The following NEO1 variants were observed in gnomAD, a reference collection of about 807,000 sequenced individuals.
NEO1 encodes the protein neogenin 1, also known as neogenin.
In NEO1, 63 loss-of-function variants were observed where a neutral mutation model predicts 159.7. The observed-to-expected ratio is 0.39, with a 90% CI of 0.32 to 0.49. The LOEUF is 0.49. NEO1 is among the 20% of genes least tolerant of loss of function. The pLI is 0.85. For missense variants in NEO1, 1,615 were observed against 1,831.0 expected, an observed-to-expected ratio of 0.88 and a Z score of 2.15; for synonymous variants, 633 against 662.0, an observed-to-expected ratio of 0.96 and a Z score of 0.67.
intron 5 of NEO1, among the ~76,000 whole-genome samples, chr15:73,137,490 G>A (rs1043003774): frequency 3.3e-5 from 5 of 151,928 alleles, no homozygotes; most frequent in African/African-American, 1.2e-4. Context: ...GCCCAGCCTG[G>A]AGTGCAGTGG....
intron 8 of NEO1, among the ~76,000 whole-genome samples, chr15:73,236,905 A>G (rs1323533037): frequency 1.3e-5 from 2 of 152,166 alleles, no homozygotes; most frequent in East Asian, 1.9e-4. Flanking sequence ...TTGATGGAAT[A>G]AGAGTAGTTA....
At chr15:73,272,006 C>G (rs2041195664) in intron 18 of NEO1, among the ~76,000 whole-genome samples, 1 of 151,920 alleles carries the variant, frequency 6.6e-6, no homozygotes, top group South Asian at 2.1e-4. Flanking sequence ...ACAAAATAAT[C>G]CAGTGTGACA....
At chr15:73,141,133 A>G (rs2032348890) in intron 5 of NEO1, among the ~76,000 whole-genome samples, 1 of 152,166 alleles carries the variant, frequency 6.6e-6, no homozygotes, top group Non-Finnish European at 1.5e-5. Flanking sequence ...ATATTTGGAA[A>G]ATTTTGTTTT....
rs114196474 is a variant in NEO1, at chr15:73,223,058, C to T, written c.1292-13289C>T. ...AACCAAAGCAGGTTTTGAACCTGCTCTTTCAGGAGCAGGTTATTTAATTTC... is the reference window on the plus strand; with the variant it reads ...AACCAAAGCAGGTTTTGAACCTGCTTTTTCAGGAGCAGGTTATTTAATTTC... On this transcript the variant is annotated intron_variant, in intron 7 of 28. Transcript: ENST00000261908. Among the ~76,000 whole-genome samples the T allele has an allele frequency of 8.6e-3, 1,307 of 152,284 alleles. 21 individuals are homozygous for T. The highest frequency in any genetic ancestry group is 0.03 in the African/African-American group (1,235 of 41,548).
At chr15:73,224,304 G>C (rs1397477479) in intron 7 of NEO1, among the ~76,000 whole-genome samples, 1 of 152,128 alleles carries the variant, frequency 6.6e-6, no homozygotes. Flanking sequence ...TGATCTTTTT[G>C]CAATGAATTT....
intron 5 of NEO1, among the ~76,000 whole-genome samples, chr15:73,141,909 G>T (rs535850148): frequency 2.0e-5 from 3 of 152,216 alleles, no homozygotes; most frequent in Admixed American, 2.0e-4. Context: ...CTTCATAGTT[G>T]GCTTTTTCAG....
rs546319816 is a variant in NEO1 at position 73,178,896 on chromosome 15, A to G, written c.1291+469A>G. The stretch of plus-strand genomic sequence containing the variant: ...TGTTGGCACAAAATAGTCAACATTC[A>G]TAAAACCCTGACTACTATATATCAA... On this transcript the variant is annotated intron_variant, in intron 7 of 28. Transcript: ENST00000261908. Among the ~76,000 whole-genome samples, 17 of 152,324 alleles carry G rather than the reference A, an allele frequency of 1.1e-4. No homozygotes were observed. In the South Asian group the frequency reaches 2.9e-3, roughly 26 times the overall value.
chr15:73,119,514 A>T (rs780399889), intron 2 of NEO1, among the ~76,000 whole-genome samples: 1 of 152,144 alleles, frequency 6.6e-6, no homozygotes, highest in Non-Finnish European at 1.5e-5. Context: ...GGCTGTGAGT[A>T]TTTTGTGCCC....
At chr15:73,228,518 T>A (rs536663128) in intron 7 of NEO1, among the ~76,000 whole-genome samples, 1 of 151,836 alleles carries the variant, frequency 6.6e-6, no homozygotes, top group Non-Finnish European at 1.5e-5. Flanking sequence ...TGCCAGTCTG[T>A]TGCTTTTCAT....
chr15:73,158,208 C>CTTTTTTTTTTTTTTTTTT (rs1047852394), intron 5 of NEO1, among the ~76,000 whole-genome samples: 2 of 82,544 alleles, frequency 2.4e-5, no homozygotes, highest in Non-Finnish European at 4.4e-5. Context: ...GAGTGAGACT[C>CTTTTTTTTTTTTTTTTTT]TTTTTTTTTT....
intron 1 of NEO1, among the ~76,000 whole-genome samples, chr15:73,058,169 A>G (rs1220064311): frequency 3.3e-5 from 5 of 152,334 alleles, no homozygotes; most frequent in African/African-American, 1.2e-4. Context: ...GTAATATTCC[A>G]GGGAGCAAAT....
chr15:73,075,655 GAT>G (rs146749163), intron 1 of NEO1, among the ~76,000 whole-genome samples: 80,935 of 151,594 alleles, frequency 0.53, 22,054 homozygotes, highest in Middle Eastern at 0.6. Flanking sequence ...GCCATGTGAA[GAT>G]TGAGCCTGTT....
At chr15:73,154,777 G>A (rs1404323024) in intron 5 of NEO1, among the ~76,000 whole-genome samples, 2 of 152,190 alleles carry the variant, frequency 1.3e-5, no homozygotes, top group Non-Finnish European at 2.9e-5. Context: ...ATAGTTGAAT[G>A]AAGTTTTTAA....
At chr15:73,172,020 C>G (rs2035006919) in intron 5 of NEO1, among the ~76,000 whole-genome samples, 1 of 152,026 alleles carries the variant, frequency 6.6e-6, no homozygotes, top group African/African-American at 2.4e-5. Context: ...TATAGAGGTA[C>G]TCATTTATAT....
rs80077473 is a variant in NEO1 at position 73,088,643 on chromosome 15, G to C, written c.131-27897G>C. Among the ~76,000 whole-genome samples, 2,675 of 152,134 alleles carry C rather than the reference G, an allele frequency of 0.018. 154 individuals are homozygous for C. In the East Asian group the frequency reaches 0.19, roughly 11 times the overall value. ...TTAATAGAATGGGTCAGGGTAAAAA[G>C]AGTGAAAAAGTTTTGTATAAATAGT... On this transcript the variant is annotated intron_variant, in intron 1 of 28. Coordinates refer to ENST00000261908, the MANE Select transcript of NEO1 (RefSeq NM_002499.4).
intron 1 of NEO1, among the ~76,000 whole-genome samples, chr15:73,072,240 C>T (rs775335403): frequency 1.7e-4 from 25 of 148,052 alleles, no homozygotes; most frequent in Non-Finnish European, 3.0e-5. Flanking sequence ...TGTGAGCCAC[C>T]GTGCCCAGCC....
intron 25 of NEO1, among the ~76,000 whole-genome samples, chr15:73,291,836 T>A (rs1316065698): frequency 6.6e-6 from 1 of 152,206 alleles, no homozygotes; most frequent in Non-Finnish European, 1.5e-5. Context: ...ATTTTGTTTT[T>A]CCCTTGTGAG....
chr15:73,060,029 TGTA>T (rs976615892), intron 1 of NEO1, among the ~76,000 whole-genome samples: 1 of 150,490 alleles, frequency 6.6e-6, no homozygotes, highest in Admixed American at 6.6e-5. Context: ...GTTTTTCTGC[TGTA>T]GTGGTAAAAA....
At chr15:73,057,757 A>T (rs754648915) in intron 1 of NEO1, among the ~76,000 whole-genome samples, 45 of 152,288 alleles carry the variant, frequency 3.0e-4, no homozygotes, top group South Asian at 6.2e-4. Flanking sequence ...ATGGCACATT[A>T]TCTTTTTACA....
Sources: gnomAD v4.1 joint callset for allele counts (sites outside exome capture counted in the v4.1 genomes callset) on GRCh38, gnomAD v4.1.1 for gene constraint, MANE v1.5 for transcripts, NCBI Gene and HGNC (gene_info 2026-07-23, HGNC 2026-07-21) for gene names.